Variants in CAPZA2 observed in about 807,000 individuals in gnomAD.
The protein encoded by CAPZA2 is F-actin-capping protein subunit alpha-2.
In CAPZA2, 13 loss-of-function variants were observed where a neutral mutation model predicts 44.0. The ratio of observed to expected loss-of-function variants is 0.30; its 90% CI spans 0.19 to 0.47. The LOEUF (loss-of-function observed/expected upper bound fraction) is 0.47. CAPZA2 is among the 20% of genes least tolerant of loss of function. CAPZA2 has a pLI of 1.00. For synonymous variants in CAPZA2, 94 were observed against 108.2 expected (o/e 0.87, Z 0.81); for missense variants, 244 against 338.6 (o/e 0.72, Z 2.19).
intron 1 of CAPZA2, among the ~76,000 whole-genome samples, chr7:116,864,942 G>A (rs951899311): frequency 6.6e-6 from 1 of 152,022 alleles, no homozygotes; most frequent in African/African-American, 2.4e-5. Flanking sequence ...CAAATTTAAG[G>A]AAGAGAAGCT....
At position 116,912,241 on chromosome 7, in the gene CAPZA2, C is replaced by T. The variant is rs543338179; in HGVS notation, c.657+101C>T. On this transcript the variant is annotated intron_variant, in intron 8 of 9. Coordinates refer to ENST00000361183, the MANE Select transcript of CAPZA2 (RefSeq NM_006136.3). ...AAGTAATATTTCTGCTTCAGATTAC[C>T]GTGTTTTCTGATAGATTAAAGATAA... The T allele has an allele frequency of 6.0e-4, 910 of 1,510,256 alleles. 1 individual carries two copies. The highest frequency in any genetic ancestry group is 7.6e-4 in the Non-Finnish European group (852 of 1,127,930). The allele number at this position is 1,510,256 out of a possible 1,614,324, so 93.6% of individuals were successfully genotyped here. A position where few individuals can be genotyped will look rare whatever the true frequency, so the allele number is the denominator to read the frequency against.
intron 8 of CAPZA2, chr7:116,915,748 T>C: frequency 5.8e-6 from 1 of 170,984 alleles, no homozygotes; most frequent in East Asian, 1.7e-4. Context: ...ACCAAACTTC[T>C]TACCCATAAA....
intron 1 of CAPZA2, among the ~76,000 whole-genome samples, chr7:116,885,075 A>G (rs755093763): frequency 2.6e-5 from 4 of 152,150 alleles, no homozygotes; most frequent in Non-Finnish European, 4.4e-5. Context: ...TCCTCTGCTT[A>G]CTGTTTTCTT....
At chr7:116,868,128 A>T (rs1796506073) in intron 1 of CAPZA2, among the ~76,000 whole-genome samples, 1 of 152,172 alleles carries the variant, frequency 6.6e-6, no homozygotes, top group Non-Finnish European at 1.5e-5. Context: ...AATCTCAGTC[A>T]TCTCTCAAGA....
At chr7:116,895,075 TATA>T (rs902680918) in intron 3 of CAPZA2, among the ~76,000 whole-genome samples, 7 of 151,974 alleles carry the variant, frequency 4.6e-5, no homozygotes, top group Admixed American at 2.0e-4. Context: ...TAATTTTCTT[TATA>T]ATAATATAAA....
intron 2 of CAPZA2, among the ~76,000 whole-genome samples, chr7:116,892,292 G>C (rs1470850763): frequency 6.6e-6 from 1 of 152,062 alleles, no homozygotes; most frequent in Non-Finnish European, 1.5e-5. Flanking sequence ...TTGCAACTAA[G>C]TAAAATAGCC....
chr7:116,890,894 A>G (rs866845696), intron 2 of CAPZA2, among the ~76,000 whole-genome samples: 4 of 151,986 alleles, frequency 2.6e-5, no homozygotes, highest in African/African-American at 9.7e-5. Flanking sequence ...AATGATTCCA[A>G]AAAGAGCCAC....
At chr7:116,906,688 A>G (rs958683447) in intron 6 of CAPZA2, 13 of 182,490 alleles carry the variant, frequency 7.1e-5, no homozygotes, top group Non-Finnish European at 1.5e-4. Flanking sequence ...AAAGATAATT[A>G]TAGAACAAAA....
rs189673012 is a variant in CAPZA2, at chr7:116,901,078, C to G, written c.219+2243C>G. ...ACTGTTGGTGGGAGTGTATATTCAA[C>G]TATTATAGAAGACAGTGTGGCGATT... On this transcript the variant is annotated intron_variant, in intron 4 of 9. Coordinates refer to ENST00000361183, the MANE Select transcript of CAPZA2 (RefSeq NM_006136.3). Among the ~76,000 whole-genome samples the G allele has an allele frequency of 1.9e-3, 285 of 152,052 alleles. 6 individuals are homozygous for G. Among genetic ancestry groups the G allele is most frequent in the Non-Finnish European group, 3.8e-4 (26 of 67,904 alleles).
At chr7:116,869,764 A>T (rs1585000539) in intron 1 of CAPZA2, among the ~76,000 whole-genome samples, 2 of 152,344 alleles carry the variant, frequency 1.3e-5, no homozygotes, top group East Asian at 3.9e-4. Context: ...CTGCTCAGGG[A>T]AGTAATTTAG....
chr7:116,902,535 A>G (rs1797009920), intron 4 of CAPZA2, among the ~76,000 whole-genome samples: 1 of 152,206 alleles, frequency 6.6e-6, no homozygotes, highest in Non-Finnish European at 1.5e-5. Context: ...TATAGTGCCT[A>G]TCATTGGTGG....
rs532124814 is a variant in CAPZA2, at chr7:116,874,483, T to G, written c.39+11833T>G. ...GGAGAAGCTGATTTTTCTTTTTAGA[T>G]TCAAGATGTAGGCACGTTGTATACA... On this transcript the variant is annotated intron_variant, in intron 1 of 9. Coordinates refer to ENST00000361183, the MANE Select transcript of CAPZA2 (RefSeq NM_006136.3). 3 of 152,374 alleles carry G rather than the reference T, an allele frequency of 2.0e-5. No homozygotes were observed. In the East Asian group the frequency reaches 5.8e-4, roughly 29 times the overall value. 9.4% of individuals were successfully genotyped at this position (152,374 alleles called of 1,614,324 possible).
At chr7:116,889,340 G>A (rs941465259) in intron 2 of CAPZA2, among the ~76,000 whole-genome samples, 1 of 152,150 alleles carries the variant, frequency 6.6e-6, no homozygotes, top group Non-Finnish European at 1.5e-5. Context: ...TTTACACAGA[G>A]CTCTTCAGTT....
intron 3 of CAPZA2, 83 bp downstream of exon 3, chr7:116,893,128 T>A: frequency 1.1e-6 from 1 of 881,676 alleles, no homozygotes. Context: ...GGGTTTTTTG[T>A]GGGTTTTTTT....
At chr7:116,914,987 A>G (rs1243782882) in intron 8 of CAPZA2, among the ~76,000 whole-genome samples, 1 of 152,148 alleles carries the variant, frequency 6.6e-6, no homozygotes, top group Non-Finnish European at 1.5e-5. Flanking sequence ...TTGAGCGAAG[A>G]TGCTTCCTGG....
At chr7:116,910,383 A>C in intron 7 of CAPZA2, 72 bp downstream of exon 7, 1 of 781,066 alleles carries the variant, frequency 1.3e-6, no homozygotes, top group Non-Finnish European at 2.2e-6. Context: ...CTAAGTTTAC[A>C]TTTTCATAGT....
chr7:116,903,463 T>G (rs1057375136), intron 4 of CAPZA2, among the ~76,000 whole-genome samples: 1 of 152,150 alleles, frequency 6.6e-6, no homozygotes, highest in Non-Finnish European at 1.5e-5. Flanking sequence ...ATATCCTGTG[T>G]TGTTAGCATG....
At chr7:116,882,478 AT>A (rs966629031) in intron 1 of CAPZA2, among the ~76,000 whole-genome samples, 1 of 151,292 alleles carries the variant, frequency 6.6e-6, no homozygotes. Flanking sequence ...TATTATTATT[AT>A]TTTTTTTTAC....
At chr7:116,881,403 TA>T (rs1409570744) in intron 1 of CAPZA2, among the ~76,000 whole-genome samples, 1 of 152,082 alleles carries the variant, frequency 6.6e-6, no homozygotes, top group Non-Finnish European at 1.5e-5. Context: ...CCCCAGTCTT[TA>T]AATACTTGAC....
Sources: allele counts gnomAD v4.1 joint callset (sites outside exome capture counted in the v4.1 genomes callset), GRCh38; gene constraint gnomAD v4.1.1; transcripts MANE v1.5; gene names NCBI Gene and HGNC (gene_info 2026-07-23, HGNC 2026-07-21).